ZFYVE1: variants seen among roughly 807,000 people sequenced by gnomAD.
The protein encoded by ZFYVE1 is zinc finger FYVE-type containing 1.
Under a neutral mutation model 74.4 loss-of-function variants are expected in ZFYVE1, and 30 were observed. The observed-to-expected ratio is 0.40, with a 90% confidence interval of 0.30 to 0.55. The LOEUF is 0.55. Ranked by LOEUF, ZFYVE1 falls within the 20% of genes least tolerant of loss-of-function variation. The pLI, the probability that ZFYVE1 is intolerant of heterozygous loss-of-function variation, is 0.42. For synonymous variants in ZFYVE1, 335 were observed against 385.1 expected (o/e 0.87, Z 1.52); for missense variants, 703 against 1,011.6 (o/e 0.69, Z 4.14).
chr14:73,023,479 G>A (rs1176962633), intron 2 of ZFYVE1, among the ~76,000 whole-genome samples: 3 of 139,742 alleles, frequency 2.1e-5, no homozygotes, highest in Non-Finnish European at 3.0e-5. Context: ...TATATATGAA[G>A]AGACCATCTG....
chr14:72,985,755 A>G (rs1893461383), intron 4 of ZFYVE1, among the ~76,000 whole-genome samples: 1 of 151,602 alleles, frequency 6.6e-6, no homozygotes. Context: ...TATTTAAAAA[A>G]AAAAAAAGAA....
intron 2 of ZFYVE1, among the ~76,000 whole-genome samples, chr14:73,003,852 G>A (rs1893924686): frequency 6.6e-6 from 1 of 152,166 alleles, no homozygotes; most frequent in Admixed American, 6.5e-5. Context: ...CAGCCATGAG[G>A]GCAGGGCCGT....
In ZFYVE1 at chr14:72,969,604, C is replaced by T. The variant is rs193191626; in HGVS notation, c.*1278G>A. The T allele has an allele frequency of 2.7e-5, 18 of 666,428 alleles. No homozygotes were observed. Among genetic ancestry groups the T allele is most frequent in the Middle Eastern group, 2.4e-4 (1 of 4,160 alleles). The allele number at this position is 666,428 out of a possible 1,614,324, so 41.3% of individuals were successfully genotyped here. Reference sequence around the variant, plus strand: ...CACCGATAGGCGCACCAGGAATGACCGCCATATACTTCCCTAAAGCTCAAC... The same window carrying T: ...CACCGATAGGCGCACCAGGAATGACTGCCATATACTTCCCTAAAGCTCAAC... On this transcript the variant is annotated 3_prime_UTR_variant, in exon 12 of 12. Coordinates refer to ENST00000556143, the MANE Select transcript of ZFYVE1 (RefSeq NM_021260.4).
intron 3 of ZFYVE1, among the ~76,000 whole-genome samples, chr14:72,995,758 T>C (rs955513433): frequency 2.0e-5 from 3 of 152,162 alleles, no homozygotes; most frequent in African/African-American, 7.2e-5. Flanking sequence ...CTATAGGGCA[T>C]GTGTCATTGG....
intron 2 of ZFYVE1, among the ~76,000 whole-genome samples, chr14:73,013,788 C>T (rs1378230969): frequency 7.3e-6 from 1 of 136,818 alleles, no homozygotes; most frequent in Non-Finnish European, 1.7e-5. Flanking sequence ...CACATCTTTT[C>T]TCCGATTTCC....
intron 2 of ZFYVE1, 118 bp from the exon 3 acceptor site, chr14:72,998,433 G>A (rs1189243037): frequency 9.8e-7 from 1 of 1,023,568 alleles, no homozygotes; most frequent in East Asian, 2.7e-5. Flanking sequence ...AAGAAAGGAA[G>A]TCACAGGATA....
At chr14:73,004,110 A>G (rs990892935) in intron 2 of ZFYVE1, among the ~76,000 whole-genome samples, 1 of 152,152 alleles carries the variant, frequency 6.6e-6, no homozygotes. Context: ...GTTACACAGA[A>G]TAGCCCATTT....
Position 72,997,921 on chromosome 14 carries a change from T to C in ZFYVE1, c.878A>G (p.Lys293Arg), listed in dbSNP as rs1319666690. The C allele has an allele frequency of 1.9e-6, 3 of 1,614,060 alleles. No individual in the cohort carries two copies. The highest frequency in any genetic ancestry group is 1.3e-5 in the African/African-American group (1 of 74,932). ...GCGAGCAGTGGTGGCCTTGAGCTCC[T>C]TGGTGAAGTGCTTCAGATAAGCTTC... ...ASEAYLKHFT[K>R]ELKATTARCG... Residue 293 changes from lysine (K) to arginine (R), a missense_variant, in exon 3 of 12, where the codon AAG (lysine) becomes AGG (arginine). Around this residue, in one of 2 missense-constraint regions of ZFYVE1, gnomAD observed 492 missense variants for 790.0 expected, o/e 0.62. Transcript: ENST00000556143.
At chr14:72,991,910 T>C (rs1026688341) in intron 4 of ZFYVE1, among the ~76,000 whole-genome samples, 13 of 146,418 alleles carry the variant, frequency 8.9e-5, no homozygotes, top group African/African-American at 3.6e-4. Context: ...CAAATCTCCC[T>C]CTTTTTTTTT....
intron 5 of ZFYVE1, among the ~76,000 whole-genome samples, chr14:72,980,631 A>C (rs1176088234): frequency 1.3e-5 from 2 of 151,912 alleles, no homozygotes; most frequent in Non-Finnish European, 2.9e-5. Context: ...GCAGTGGCGC[A>C]ATCTCAGCTC....
chr14:72,993,991 GC>G, intron 3 of ZFYVE1, among the ~76,000 whole-genome samples: 1 of 144,682 alleles, frequency 6.9e-6, no homozygotes, highest in African/African-American at 2.6e-5. Flanking sequence ...CTCCAGCCTG[GC>G]GACAGAGAGA....
At chr14:73,002,528 C>T (rs1893894156) in intron 2 of ZFYVE1, among the ~76,000 whole-genome samples, 1 of 151,970 alleles carries the variant, frequency 6.6e-6, no homozygotes, top group South Asian at 2.1e-4. Flanking sequence ...CTGCAACCTC[C>T]ACCTCCTGGG....
chr14:72,986,318 G>A (rs1893478859), intron 4 of ZFYVE1, among the ~76,000 whole-genome samples: 2 of 152,146 alleles, frequency 1.3e-5, no homozygotes, highest in Admixed American at 1.3e-4. Context: ...CTCCAGGCAA[G>A]CCAGCCTTCA....
At chr14:73,005,359 A>T (rs2140374684) in intron 2 of ZFYVE1, among the ~76,000 whole-genome samples, 1 of 152,280 alleles carries the variant, frequency 6.6e-6, no homozygotes, top group Middle Eastern at 3.4e-3. Context: ...ATGGTGCTCC[A>T]ATCCTGGAGT....
intron 4 of ZFYVE1, among the ~76,000 whole-genome samples, chr14:72,983,689 T>A: frequency 6.6e-6 from 1 of 152,218 alleles, no homozygotes; most frequent in East Asian, 1.9e-4. Flanking sequence ...TGTAGCAGCA[T>A]GATTTATAAT....
At chr14:73,021,362 T>C (rs200364169) in intron 2 of ZFYVE1, among the ~76,000 whole-genome samples, 1 of 77,652 alleles carries the variant, frequency 1.3e-5, no homozygotes, top group Admixed American at 1.2e-4. Flanking sequence ...TAAAAATAAA[T>C]AAATAAATAA....
intron 2 of ZFYVE1, among the ~76,000 whole-genome samples, chr14:73,005,337 C>T (rs1331834760): frequency 6.6e-6 from 1 of 152,152 alleles, no homozygotes; most frequent in East Asian, 1.9e-4. Context: ...CTTGTCTACA[C>T]TCAGTGACCC....
At chr14:73,006,148 T>A (rs1007918705) in intron 2 of ZFYVE1, among the ~76,000 whole-genome samples, 2 of 151,910 alleles carry the variant, frequency 1.3e-5, no homozygotes, top group Non-Finnish European at 2.9e-5. Context: ...CTCAATCTCC[T>A]GACCTCGTGA....
At chr14:73,007,620 C>A (rs1162900728) in intron 2 of ZFYVE1, among the ~76,000 whole-genome samples, 2 of 152,130 alleles carry the variant, frequency 1.3e-5, no homozygotes, top group East Asian at 1.9e-4. Context: ...GGCAATACTC[C>A]TTCCTTGGCC....
Sources: allele counts gnomAD v4.1 joint callset (sites outside exome capture counted in the v4.1 genomes callset), GRCh38; gene constraint gnomAD v4.1.1; regional missense constraint gnomAD v4.1.1; transcripts MANE v1.5; gene names NCBI Gene and HGNC (gene_info 2026-07-23, HGNC 2026-07-21).